The following SGCZ variants were observed in gnomAD, a reference collection of about 807,000 sequenced individuals.
The protein encoded by SGCZ is sarcoglycan zeta.
Under a neutral mutation model 41.3 loss-of-function variants are expected in SGCZ, and 40 were observed. The ratio of observed to expected loss-of-function variants is 0.97; its 90% CI spans 0.75 to 1.26. The LOEUF (loss-of-function observed/expected upper bound fraction) is 1.26, where lower values mean the gene tolerates loss of function less well. SGCZ is among the 50% of genes most tolerant of loss of function. The probability of loss-of-function intolerance (pLI) is 0.00; values close to 1 mark genes in which losing one functional copy is unlikely to be tolerated. For missense variants in SGCZ, 552 were observed against 369.8 expected (o/e 1.49, Z -4.04); for synonymous variants, 206 against 137.5 (o/e 1.50, Z -3.49).
At chr8:14,831,738 TAGAA>T (rs1412443428) in intron 1 of SGCZ, among the ~76,000 whole-genome samples, 1 of 150,162 alleles carries the variant, frequency 6.7e-6, no homozygotes, top group Non-Finnish European at 1.5e-5. Flanking sequence ...AAGCTGGTGT[TAGAA>T]GGAAGATCTG....
At chr8:15,204,342 G>A (rs1800992439) in intron 1 of SGCZ, among the ~76,000 whole-genome samples, 1 of 152,166 alleles carries the variant, frequency 6.6e-6, no homozygotes, top group African/African-American at 2.4e-5. Flanking sequence ...TGACAACCGT[G>A]TGTAGAAGGA....
chr8:14,701,761 T>C (rs569372016), intron 1 of SGCZ, among the ~76,000 whole-genome samples: 4 of 151,846 alleles, frequency 2.6e-5, no homozygotes. Context: ...CCTGACCTCT[T>C]ACCAAACCCC....
At chr8:15,178,196 T>C (rs1800056843) in intron 1 of SGCZ, among the ~76,000 whole-genome samples, 1 of 152,118 alleles carries the variant, frequency 6.6e-6, no homozygotes. Flanking sequence ...CACAACCATT[T>C]CTTTTTTTGT....
At chr8:15,076,443 G>T (rs1805533639) in intron 1 of SGCZ, among the ~76,000 whole-genome samples, 1 of 152,036 alleles carries the variant, frequency 6.6e-6, no homozygotes, top group Admixed American at 6.5e-5. Flanking sequence ...ATGCAAGGAG[G>T]AAAAAACAGG....
At chr8:14,623,454 G>A (rs181179943) in intron 1 of SGCZ, among the ~76,000 whole-genome samples, 1 of 152,270 alleles carries the variant, frequency 6.6e-6, no homozygotes, top group Non-Finnish European at 1.5e-5. Flanking sequence ...AGACATCTCT[G>A]ACCTCTGTTG....
chr8:14,334,306 T>G (rs1802433648), intron 2 of SGCZ, among the ~76,000 whole-genome samples: 1 of 152,198 alleles, frequency 6.6e-6, no homozygotes, highest in Non-Finnish European at 1.5e-5. Flanking sequence ...CATACAGCAC[T>G]TCAGCAGATA....
intron 1 of SGCZ, among the ~76,000 whole-genome samples, chr8:15,225,339 G>T (rs943835780): frequency 6.6e-6 from 1 of 152,156 alleles, no homozygotes; most frequent in African/African-American, 2.4e-5. Context: ...CTCTTCCTAG[G>T]ACTAGTTTAC....
At chr8:15,096,610 C>T (rs1216529285) in intron 1 of SGCZ, among the ~76,000 whole-genome samples, 1 of 152,104 alleles carries the variant, frequency 6.6e-6, no homozygotes, top group East Asian at 1.9e-4. Context: ...CTTATTTCTT[C>T]CCAGATAAAA....
At chr8:14,958,440 TGG>T (rs1800862482) in intron 1 of SGCZ, among the ~76,000 whole-genome samples, 1 of 152,036 alleles carries the variant, frequency 6.6e-6, no homozygotes, top group Admixed American at 6.6e-5. Context: ...TTAGGTAACA[TGG>T]TAAACTCTGA....
At chr8:14,966,743 T>C (rs1193535200) in intron 1 of SGCZ, among the ~76,000 whole-genome samples, 1 of 152,184 alleles carries the variant, frequency 6.6e-6, no homozygotes, top group Non-Finnish European at 1.5e-5. Context: ...TTGTTTTCTT[T>C]TGTTTTAAAC....
intron 2 of SGCZ, among the ~76,000 whole-genome samples, chr8:14,427,411 C>T (rs1415133555): frequency 9.9e-5 from 15 of 152,010 alleles, no homozygotes; most frequent in Admixed American, 9.8e-4. Context: ...TTGTTTGGAC[C>T]ATGTAAATTC....
At chr8:14,691,319 G>GT (rs1332118189) in intron 1 of SGCZ, among the ~76,000 whole-genome samples, 7 of 152,088 alleles carry the variant, frequency 4.6e-5, no homozygotes, top group Admixed American at 6.6e-5. Context: ...ATTTTAGATA[G>GT]TTTAAAGAAG....
At chr8:14,853,587 A>G (rs1803427356) in intron 1 of SGCZ, 64 of 450,714 alleles carry the variant, frequency 1.4e-4, no homozygotes, top group South Asian at 9.8e-4. Flanking sequence ...CAGGTTAAAA[A>G]AAAATTCAGT....
At chr8:14,801,017 AT>A (rs1801304798) in intron 1 of SGCZ, among the ~76,000 whole-genome samples, 2 of 152,346 alleles carry the variant, frequency 1.3e-5, no homozygotes, top group African/African-American at 4.8e-5. Context: ...GGTTAACTTT[AT>A]AACTATAATT....
At chr8:14,689,739 T>C (rs1808737255) in intron 1 of SGCZ, among the ~76,000 whole-genome samples, 1 of 152,210 alleles carries the variant, frequency 6.6e-6, no homozygotes, top group Admixed American at 6.6e-5. Context: ...GTGTAATCAC[T>C]GTCAGTTCTT....
chr8:14,675,877 C>T (rs1487628453), intron 1 of SGCZ, among the ~76,000 whole-genome samples: 1 of 152,178 alleles, frequency 6.6e-6, no homozygotes, highest in Non-Finnish European at 1.5e-5. Flanking sequence ...GCTCATTATT[C>T]TTGCTGAGTT....
At chr8:14,154,917 C>T (rs1803830775) in intron 5 of SGCZ, among the ~76,000 whole-genome samples, 1 of 152,130 alleles carries the variant, frequency 6.6e-6, no homozygotes, top group Admixed American at 6.5e-5. Flanking sequence ...TGATACCAGC[C>T]CTCAAATTCT....
At chr8:15,034,301 G>A (rs1370291168) in intron 1 of SGCZ, among the ~76,000 whole-genome samples, 1 of 151,984 alleles carries the variant, frequency 6.6e-6, no homozygotes, top group Non-Finnish European at 1.5e-5. Context: ...TTTGGGAGCT[G>A]AAAATACAAT....
intron 2 of SGCZ, among the ~76,000 whole-genome samples, chr8:14,542,236 G>T (rs1216553450): frequency 1.3e-5 from 2 of 152,012 alleles, no homozygotes; most frequent in Admixed American, 6.6e-5. Context: ...TATTGCCTAG[G>T]TTGTCTTCTA....
Sources: gnomAD v4.1 joint callset for allele counts (sites outside exome capture counted in the v4.1 genomes callset) on GRCh38, gnomAD v4.1.1 for gene constraint, MANE v1.5 for transcripts, NCBI Gene and HGNC (gene_info 2026-07-23, HGNC 2026-07-21) for gene names.